Variants in RANBP2 observed in about 807,000 individuals in gnomAD.
RANBP2 encodes the protein RAN binding protein 2.
Under a neutral mutation model 303.6 loss-of-function variants are expected in RANBP2, and 57 were observed. That is an observed-to-expected ratio of 0.19 (90% CI 0.15 to 0.23). RANBP2 has a LOEUF of 0.23. RANBP2 is among the 10% of genes least tolerant of loss of function. The probability of loss-of-function intolerance (pLI) is 1.00; values close to 1 mark genes in which losing one functional copy is unlikely to be tolerated. For missense variants in RANBP2, 3,138 were observed against 3,780.8 expected, an observed-to-expected ratio of 0.83 and a Z score of 4.46; for synonymous variants, 1,167 against 1,301.5, an observed-to-expected ratio of 0.90 and a Z score of 2.23.
At chr2:109,177,559 C>G in the RANBP2 span, among the ~76,000 whole-genome samples, 2 of 151,596 alleles carry the variant, frequency 1.3e-5, no homozygotes, top group African/African-American at 2.4e-5. Context: ...TGGGGGGGGG[C>G]ACCATTCCTA....
the RANBP2 span, among the ~76,000 whole-genome samples, chr2:109,661,665 G>A: frequency 2.0e-5 from 3 of 152,178 alleles, no homozygotes; most frequent in African/African-American, 7.2e-5. Context: ...GGTAGATAAG[G>A]GTGAGCCTAG....
At chr2:108,849,771 GT>G in the RANBP2 span, among the ~76,000 whole-genome samples, 7 of 152,224 alleles carry the variant, frequency 4.6e-5, no homozygotes, top group African/African-American at 1.7e-4. Context: ...AGGCACAAGG[GT>G]TTCTTATGAG....
chr2:109,285,544 C>T, the RANBP2 span, among the ~76,000 whole-genome samples: 152 of 152,268 alleles, frequency 1.0e-3, no homozygotes, highest in African/African-American at 3.4e-3. Flanking sequence ...GCTTGCCTGG[C>T]GGTGGGAGCC....
chr2:109,698,299 T>G, the RANBP2 span, among the ~76,000 whole-genome samples: 1 of 151,994 alleles, frequency 6.6e-6, no homozygotes, highest in African/African-American at 2.4e-5. Flanking sequence ...TCTTTTAAAT[T>G]TAAACATTTC....
chr2:109,711,433 C>A, the RANBP2 span, among the ~76,000 whole-genome samples: 1 of 152,148 alleles, frequency 6.6e-6, no homozygotes, highest in Non-Finnish European at 1.5e-5. Flanking sequence ...AGCTTCTCTG[C>A]ACAGCAGCCA....
chr2:109,686,609 G>A, the RANBP2 span, among the ~76,000 whole-genome samples: 3 of 152,090 alleles, frequency 2.0e-5, no homozygotes, highest in South Asian at 4.1e-4. Context: ...CACAGCGTCC[G>A]GCTTCTTACT....
chr2:109,450,552 T>G, the RANBP2 span, among the ~76,000 whole-genome samples: 525 of 152,358 alleles, frequency 3.4e-3, 19 homozygotes, highest in East Asian at 0.061. Flanking sequence ...AAAGTAAATT[T>G]AAAAGGTGAA....
chr2:109,135,747 C>T, the RANBP2 span, among the ~76,000 whole-genome samples: 1 of 152,180 alleles, frequency 6.6e-6, no homozygotes, highest in Non-Finnish European at 1.5e-5. Context: ...GAAACTGGAT[C>T]GTCAAGCATT....
At chr2:109,541,426 TG>T in the RANBP2 span, among the ~76,000 whole-genome samples, 1 of 152,338 alleles carries the variant, frequency 6.6e-6, no homozygotes, top group African/African-American at 2.4e-5. Flanking sequence ...GTGAGTCTAT[TG>T]TATCTCTAAA....
the RANBP2 span, among the ~76,000 whole-genome samples, chr2:108,830,137 A>G: frequency 2.0e-5 from 3 of 152,226 alleles, no homozygotes; most frequent in East Asian, 3.9e-4. Context: ...AGCTATTGTA[A>G]ATGAAATAAG....
the RANBP2 span, among the ~76,000 whole-genome samples, chr2:109,688,344 G>C: frequency 6.6e-6 from 1 of 152,214 alleles, no homozygotes; most frequent in African/African-American, 2.4e-5. Context: ...GATGGCTTTG[G>C]CTCTGTGAAG....
chr2:109,156,054 A>G, the RANBP2 span, among the ~76,000 whole-genome samples: 556 of 152,264 alleles, frequency 3.7e-3, no homozygotes, highest in Non-Finnish European at 6.1e-3. Flanking sequence ...AATCACCCGT[A>G]CTTTGGGAAG....
the RANBP2 span, among the ~76,000 whole-genome samples, chr2:109,599,222 C>A: frequency 8.5e-5 from 13 of 152,062 alleles, no homozygotes; most frequent in Non-Finnish European, 1.9e-4. Context: ...CTCTGGGAGG[C>A]CAAGACCGGT....
At chr2:108,910,662 A>T in the RANBP2 span, 1 of 1,431,898 alleles carries the variant, frequency 7.0e-7, no homozygotes, top group Non-Finnish European at 9.8e-7. Flanking sequence ...CACGGTAAGC[A>T]CAGTATGGTT....
At chr2:108,883,837 A>G in the RANBP2 span, 2 of 152,264 alleles carry the variant, frequency 1.3e-5, no homozygotes, top group Non-Finnish European at 2.9e-5. Context: ...CCCTTTATAA[A>G]TTACGCACCT....
the RANBP2 span, among the ~76,000 whole-genome samples, chr2:108,793,884 G>A: frequency 1.3e-5 from 2 of 151,880 alleles, no homozygotes; most frequent in Non-Finnish European, 2.9e-5. Context: ...TTATAGGCGT[G>A]AGCCACCGCG....
chr2:109,285,538 G>T, the RANBP2 span, among the ~76,000 whole-genome samples: 4 of 152,186 alleles, frequency 2.6e-5, no homozygotes, highest in Non-Finnish European at 4.4e-5. Context: ...GCAATCGCTT[G>T]CCTGGCGGTG....
At chr2:108,834,914 ATTTC>A in the RANBP2 span, among the ~76,000 whole-genome samples, 1 of 152,320 alleles carries the variant, frequency 6.6e-6, no homozygotes, top group Admixed American at 6.5e-5. Flanking sequence ...TTCTCTTGAT[ATTTC>A]TTTTTGTATA....
the RANBP2 span, among the ~76,000 whole-genome samples, chr2:109,156,759 T>A: frequency 1.3e-5 from 2 of 152,186 alleles, no homozygotes; most frequent in South Asian, 2.1e-4. Context: ...TTAAGTTTTT[T>A]AAAAAGGGAT....
Sources: gnomAD v4.1 joint callset for allele counts (sites outside exome capture counted in the v4.1 genomes callset) on GRCh38, gnomAD v4.1.1 for gene constraint, MANE v1.5 for transcripts, NCBI Gene and HGNC (gene_info 2026-07-23, HGNC 2026-07-21) for gene names.